RPH3A: variants seen among roughly 807,000 people sequenced by gnomAD.
RPH3A encodes the protein rabphilin 3A.
A neutral mutation model predicts 102.2 loss-of-function variants in RPH3A; 48 were observed. That is an observed-to-expected ratio of 0.47 (90% CI 0.37 to 0.60). RPH3A has a LOEUF of 0.60. Among genes scored for constraint, RPH3A ranks in the 20% least tolerant of loss-of-function variants. The pLI is 0.00. For synonymous variants in RPH3A, 310 were observed against 324.3 expected (o/e 0.96, Z 0.47); for missense variants, 781 against 910.1 (o/e 0.86, Z 1.83).
At position 112,783,271 on chromosome 12, in the gene RPH3A, G is replaced by T. The variant is rs1039364664; in HGVS notation, c.-139-8872G>T. On this transcript the variant is annotated intron_variant, in intron 1 of 21. Transcript: ENST00000543106. Reference sequence around the variant, plus strand: ...GAGTCAGTGCTGGAGTAGGGAAGAAGAGGTGCCCAGGGCATTGAGAGACTG... The same window carrying T: ...GAGTCAGTGCTGGAGTAGGGAAGAATAGGTGCCCAGGGCATTGAGAGACTG... Among the ~76,000 whole-genome samples, 4 of 152,180 alleles carry T rather than the reference G, an allele frequency of 2.6e-5. No individual in the cohort carries two copies. In the East Asian group the frequency reaches 5.8e-4, roughly 22 times the overall value.
In RPH3A at chr12:112,645,784, T is replaced by C. The variant is rs549242723; in HGVS notation, c.-140+70465T>C. On this transcript the variant is annotated intron_variant, in intron 1 of 21. Transcript: ENST00000543106. ...TTCATAAGTTCGTGGGTGCAGCAGCTGCTCTCTGAATCAATTTGTCAATGT... is the reference window on the plus strand; with the variant it reads ...TTCATAAGTTCGTGGGTGCAGCAGCCGCTCTCTGAATCAATTTGTCAATGT... Among the ~76,000 whole-genome samples the C allele has an allele frequency of 8.5e-5, 13 of 152,298 alleles. 1 individual carries two copies. The South Asian group carries it at 2.3e-3, about 27-fold the overall frequency.
At chr12:112,665,733 C>T (rs1480024985) in intron 1 of RPH3A, among the ~76,000 whole-genome samples, 3 of 152,214 alleles carry the variant, frequency 2.0e-5, no homozygotes, top group Admixed American at 6.5e-5. Flanking sequence ...TCCCCAATCT[C>T]AGGCTCTCCT....
intron 2 of RPH3A, among the ~76,000 whole-genome samples, chr12:112,804,692 C>G (rs560247894): frequency 6.6e-6 from 1 of 152,176 alleles, no homozygotes; most frequent in East Asian, 1.9e-4. Context: ...TACCACAGCC[C>G]CCCGTACTTC....
chr12:112,721,758 T>C (rs1196013835), intron 1 of RPH3A, among the ~76,000 whole-genome samples: 1 of 152,114 alleles, frequency 6.6e-6, no homozygotes, highest in Admixed American at 6.5e-5. Context: ...TAATTGCATT[T>C]GAGATATGGC....
intron 7 of RPH3A, among the ~76,000 whole-genome samples, chr12:112,867,438 C>T (rs1233161564): frequency 1.3e-5 from 2 of 152,170 alleles, no homozygotes; most frequent in Admixed American, 1.3e-4. Flanking sequence ...GTTTCAATAA[C>T]CATGTTCTCC....
In RPH3A at chr12:112,798,401, CTCTT is replaced by C. The variant is rs1228127376; in HGVS notation, c.-19+6144_-19+6147del. ...AGCTGCATTTTTCTTTCTTTTTCCT[CTCTT>C]TCTTTTCCTTTTCTTCCTTTTTAAT... On this transcript the variant is annotated intron_variant, in intron 2 of 21. Coordinates refer to ENST00000389385, the MANE Select transcript of RPH3A (RefSeq NM_001143854.2). Among the ~76,000 whole-genome samples, 14 of 152,262 alleles carry C rather than the reference CTCTT, an allele frequency of 9.2e-5. No homozygotes were observed. In the East Asian group the frequency reaches 1.5e-3, roughly 17 times the overall value.
At chr12:112,652,963 C>G (rs1021445638) in intron 1 of RPH3A, among the ~76,000 whole-genome samples, 11 of 152,068 alleles carry the variant, frequency 7.2e-5, no homozygotes, top group African/African-American at 2.4e-4. Flanking sequence ...TATGGTGTAG[C>G]CTATTGCTTC....
chr12:112,756,503 C>T (rs764924977), intron 1 of RPH3A, among the ~76,000 whole-genome samples: 5 of 152,180 alleles, frequency 3.3e-5, no homozygotes, highest in Non-Finnish European at 7.3e-5. Flanking sequence ...TGAGCCCACA[C>T]TTTTTAAAAT....
At chr12:112,619,711 C>CT (rs909050521) in intron 1 of RPH3A, among the ~76,000 whole-genome samples, 18 of 151,214 alleles carry the variant, frequency 1.2e-4, no homozygotes, top group South Asian at 2.1e-4. Context: ...TTGTTATTGT[C>CT]TTTTTTTTTG....
At chr12:112,843,454 C>T (rs528336255) in intron 4 of RPH3A, among the ~76,000 whole-genome samples, 22 of 152,328 alleles carry the variant, frequency 1.4e-4, no homozygotes, top group African/African-American at 5.3e-4. Context: ...GGCTGCTCAT[C>T]TGCAGTCTGC....
chr12:112,628,051 C>T (rs1445067028), intron 1 of RPH3A, among the ~76,000 whole-genome samples: 2 of 152,094 alleles, frequency 1.3e-5, no homozygotes, highest in Non-Finnish European at 2.9e-5. Flanking sequence ...AACTCACTCA[C>T]TGTCACAAGA....
intron 1 of RPH3A, among the ~76,000 whole-genome samples, chr12:112,615,481 G>A (rs904963263): frequency 1.2e-4 from 18 of 152,142 alleles, no homozygotes; most frequent in African/African-American, 3.9e-4. Flanking sequence ...TTGAGAGGGA[G>A]CAAAGAAGGA....
At position 112,702,314 on chromosome 12, in the gene RPH3A, G is replaced by A. The variant is rs2040399820; in HGVS notation, c.-139-89829G>A. On this transcript the variant is annotated intron_variant, in intron 1 of 21. Coordinates refer to the RPH3A transcript ENST00000543106. ...ATGTCAAGGCTGAAGAAAATAGCCA[G>A]ATGTTGAGACTTGCAACAAATTCTC... Among the ~76,000 whole-genome samples, 4 of 152,320 alleles carry A rather than the reference G, an allele frequency of 2.6e-5. No homozygotes were observed. In the South Asian group the frequency reaches 8.3e-4, roughly 32 times the overall value.
At chr12:112,835,720 G>C (rs2042037932) in intron 3 of RPH3A, among the ~76,000 whole-genome samples, 1 of 152,104 alleles carries the variant, frequency 6.6e-6, no homozygotes, top group Admixed American at 6.5e-5. Flanking sequence ...TTAACTGCTG[G>C]CTAGCTAGAT....
At chr12:112,816,029 A>G (rs1386384547) in intron 2 of RPH3A, among the ~76,000 whole-genome samples, 1 of 152,214 alleles carries the variant, frequency 6.6e-6, no homozygotes. Context: ...CCCATAACCC[A>G]GGGGAGGAAG....
At chr12:112,872,993 C>T (rs1483875356) in intron 10 of RPH3A, among the ~76,000 whole-genome samples, 1 of 152,130 alleles carries the variant, frequency 6.6e-6, no homozygotes, top group Non-Finnish European at 1.5e-5. Flanking sequence ...CCTTGTAATA[C>T]CAGGGACATG....
upstream of RPH3A, among the ~76,000 whole-genome samples, chr12:112,789,258 A>G (rs963523380): frequency 5.3e-5 from 8 of 152,214 alleles, no homozygotes; most frequent in African/African-American, 1.7e-4. Context: ...CTTGCATTCT[A>G]TACTCAACTC....
intron 2 of RPH3A, among the ~76,000 whole-genome samples, chr12:112,805,426 C>T (rs1487742085): frequency 2.0e-5 from 3 of 152,068 alleles, no homozygotes; most frequent in African/African-American, 4.8e-5. Context: ...CTGAGTGATT[C>T]GGGAATGATT....
At chr12:112,665,951 C>A (rs2040080765) in intron 1 of RPH3A, among the ~76,000 whole-genome samples, 1 of 152,174 alleles carries the variant, frequency 6.6e-6, no homozygotes, top group Non-Finnish European at 1.5e-5. Flanking sequence ...CATGTACAGC[C>A]TTTGAGGCAG....
Sources: allele counts gnomAD v4.1 joint callset (sites outside exome capture counted in the v4.1 genomes callset), GRCh38; gene constraint gnomAD v4.1.1; transcripts MANE v1.5; gene names NCBI Gene and HGNC (gene_info 2026-07-23, HGNC 2026-07-21).